MLC1: variants seen among roughly 807,000 people sequenced by gnomAD.
The protein encoded by MLC1 is membrane protein MLC1.
MLC1 carries 32 observed loss-of-function variants against 44.7 expected under a neutral mutation model. The ratio of observed to expected loss-of-function variants is 0.72; its 90% CI spans 0.54 to 0.96. The LOEUF (loss-of-function observed/expected upper bound fraction) is 0.96, where lower values mean the gene tolerates loss of function less well. Ranked by LOEUF, MLC1 falls within the 40% of genes least tolerant of loss-of-function variation. MLC1 has a pLI of 0.00. For missense variants in MLC1, 459 were observed against 492.2 expected (o/e 0.93, Z 0.64); for synonymous variants, 190 against 213.0 (o/e 0.89, Z 0.94).
At chr22:50,066,627 T>A (rs1304739302) in intron 10 of MLC1, among the ~76,000 whole-genome samples, 1 of 150,674 alleles carries the variant, frequency 6.6e-6, no homozygotes, top group Non-Finnish European at 1.5e-5. Context: ...GCCACTGCAC[T>A]CCAGCCTGGG....
chr22:50,061,773 T>C (rs2061564006), intron 11 of MLC1, 116 bp from the exon 12 acceptor site: 1 of 961,566 alleles, frequency 1.0e-6, no homozygotes, highest in African/African-American at 1.6e-5. Flanking sequence ...TTTCTTCGAA[T>C]GTGAAGGAAG....
chr22:50,066,237 G>A (rs964945996), intron 10 of MLC1, among the ~76,000 whole-genome samples: 1 of 148,832 alleles, frequency 6.7e-6, no homozygotes, highest in Non-Finnish European at 1.5e-5. Context: ...AGTGGCTCAC[G>A]TCTGTAATCC....
At chr22:50,068,641 A>G (rs777398498) in intron 9 of MLC1, 86 bp from the exon 10 acceptor site, 42 of 1,333,962 alleles carry the variant, frequency 3.1e-5, no homozygotes, top group Non-Finnish European at 4.4e-5. Flanking sequence ...GGGGGCGGGC[A>G]TGGCCGGGCA....
Position 50,061,292 on chromosome 22 carries a change from G to A in MLC1, c.*291C>T. The A allele has an allele frequency of 2.0e-6, 1 of 488,666 alleles. No homozygotes were observed. Among genetic ancestry groups the A allele is most frequent in the Non-Finnish European group, 3.7e-6 (1 of 266,746 alleles). 30.3% of individuals were successfully genotyped at this position (488,666 alleles called of 1,614,324 possible). A position where few individuals can be genotyped will look rare whatever the true frequency, so the allele number is the denominator to read the frequency against. ...GCCAGTTCAGGGGTGGGGCTCTCAA[G>A]AGGCCGAGCCGGGGGCCCTTCCTCG... is the stretch of plus-strand genomic sequence containing the variant. On this transcript the variant is annotated 3_prime_UTR_variant, in exon 12 of 12. Coordinates refer to ENST00000311597, the MANE Select transcript of MLC1 (RefSeq NM_015166.4).
Position 50,084,898 on chromosome 22 carries a change from G to A in MLC1, c.5C>T (p.Thr2Ile). 4 of 1,611,566 alleles carry A rather than the reference G, an allele frequency of 2.5e-6. No homozygotes were observed. In the South Asian group the frequency reaches 3.3e-5, roughly 13 times the overall value. ...CAGCTCCTCTCTGAATGGCTCCTGG[G>A]TCATGGCACTTGGGGACACCACAGC... is the stretch of plus-strand genomic sequence containing the variant. M[T>I]QEPFREELAY... Residue 2 changes from threonine (T) to isoleucine (I), a missense_variant, in exon 2 of 12, where the codon ACC (threonine) becomes ATC (isoleucine). Coordinates refer to ENST00000311597, the MANE Select transcript of MLC1 (RefSeq NM_015166.4).
chr22:50,076,938 C>T (rs746914683), intron 6 of MLC1, 26 bp from the exon 7 acceptor site: 16 of 1,613,364 alleles, frequency 9.9e-6, no homozygotes, highest in East Asian at 8.9e-5. Flanking sequence ...ACTGTCACCC[C>T]GGGTGCACGG....
chr22:50,075,039 G>A (rs1049446101), intron 7 of MLC1, among the ~76,000 whole-genome samples: 7 of 152,150 alleles, frequency 4.6e-5, no homozygotes, highest in Non-Finnish European at 1.0e-4. Context: ...TTCTTTCCTG[G>A]ACAAAGCCAA....
Position 50,084,810 on chromosome 22 carries a change from G to A in MLC1, c.93C>T (p.Asp31=), listed in dbSNP as rs199625892. ...ACAGCTGCAGGTCGCTCGGCTTCGC[G>A]TCTGGGGCATAGCTGGCGGGGTCTT... ...GRQDPASYAP[D]AKPSDLQLSK... The change falls in exon 2 of 12, where the codon GAC becomes GAT. Residue 31 remains aspartate, a synonymous_variant. Coordinates refer to ENST00000311597, the MANE Select transcript of MLC1 (RefSeq NM_015166.4). The A allele has an allele frequency of 2.6e-5, 42 of 1,614,018 alleles. No individual in the cohort carries two copies. Among genetic ancestry groups the A allele is most frequent in the African/African-American group, 2.5e-4 (19 of 75,068 alleles).
In MLC1 at chr22:50,083,282, C is replaced by G; in HGVS notation, c.178-109G>C. ...CTGTGTATTGGTGACTCACCCACGTCCCCCAGCATCAACCACACCCGCACC... is the reference window on the plus strand; with the variant it reads ...CTGTGTATTGGTGACTCACCCACGTGCCCCAGCATCAACCACACCCGCACC... On this transcript the variant is annotated intron_variant, in intron 2 of 11. Coordinates refer to ENST00000311597, the MANE Select transcript of MLC1 (RefSeq NM_015166.4). This position sits in a 1 kb window ranked among gnomAD's most constrained non-coding sequence, Gnocchi z 4.6. The G allele has an allele frequency of 1.0e-6, 1 of 984,528 alleles. No homozygotes were observed. The highest frequency in any genetic ancestry group is 1.3e-5 in the South Asian group (1 of 74,898). 61.0% of individuals were successfully genotyped at this position (984,528 alleles called of 1,614,324 possible).
intron 3 of MLC1, among the ~76,000 whole-genome samples, chr22:50,081,028 A>AGAAAGAAAGAAAAAGAAAGAAAGAAG (rs2062117568): frequency 6.8e-6 from 1 of 146,158 alleles, no homozygotes; most frequent in Non-Finnish European, 1.5e-5. Flanking sequence ...AAAGAAAGAA[A>AGAAAGAAAGAAAAAGAAAGAAAGAAG]GAAAGAAAGA....
Position 50,079,797 on chromosome 22 carries a change from A to C in MLC1, c.423+121T>G, listed in dbSNP as rs11568176. The C allele has an allele frequency of 0.099, 80,085 of 807,806 alleles. 4,576 individuals are homozygous for C. The highest frequency in any genetic ancestry group is 0.2 in the South Asian group (14,685 of 74,322). 50.0% of individuals were successfully genotyped at this position (807,806 alleles called of 1,614,324 possible). A position where few individuals can be genotyped will look rare whatever the true frequency, so the allele number is the denominator to read the frequency against. ...TGCATAAATCTCTCAACTTTAGTCA[A>C]ACTCACGAGCTGTGAATAACATTTA... On this transcript the variant is annotated intron_variant, in intron 5 of 11. Transcript: ENST00000311597.
Position 50,061,665 on chromosome 22 carries a change from C to T in MLC1, c.1060-8G>A, listed in dbSNP as rs749679723. On this transcript the variant is annotated splice_polypyrimidine_tract_variant and splice_region_variant and intron_variant, in intron 11 of 11. Coordinates refer to ENST00000311597, the MANE Select transcript of MLC1 (RefSeq NM_015166.4). ...CAGGGGGCTCCTGGCCACCTGCAAC[C>T]GAGACAGGAAAGGTGTTACTTCACC... The T allele has an allele frequency of 3.5e-5, 56 of 1,612,340 alleles. No homozygotes were observed. Among genetic ancestry groups the T allele is most frequent in the East Asian group, 2.2e-4 (10 of 44,864 alleles).
At chr22:50,065,703 A>G (rs1398943142) in intron 10 of MLC1, among the ~76,000 whole-genome samples, 3 of 152,202 alleles carry the variant, frequency 2.0e-5, no homozygotes, top group African/African-American at 7.2e-5. Context: ...GGGGCTGTGG[A>G]GAAGTGAGCA....
In MLC1 at chr22:50,083,718, G is replaced by A. The variant is rs1422635094; in HGVS notation, c.178-545C>T. On this transcript the variant is annotated intron_variant, in intron 2 of 11. Coordinates refer to ENST00000311597, the MANE Select transcript of MLC1 (RefSeq NM_015166.4). This position sits in a 1 kb window ranked among gnomAD's most constrained non-coding sequence, Gnocchi z 4.6. ...CTCACGCACAGCACTGCAGGGGTGC[G>A]GTGGGGAGGGGGCTCTCTCTCACGC... 3.3e-5 allele frequency among the ~76,000 whole-genome samples: 5 copies of A among 152,264 alleles called. No homozygotes were observed. The highest frequency in any genetic ancestry group is 1.9e-4 in the East Asian group (1 of 5,176).
chr22:50,081,009 A>AAAAGAAAGAAAGAAAGAAAGAAAGAAAG (rs757266134), intron 3 of MLC1, among the ~76,000 whole-genome samples: 10,424 of 96,506 alleles, frequency 0.11, 1,134 homozygotes, highest in Non-Finnish European at 0.13. Context: ...TTGTCTCAAA[A>AAAAGAAAGAAAGAAAGAAAGAAAGAAAG]AAAGAAAGAA....
At chr22:50,062,136 G>T (rs1410300139) in intron 11 of MLC1, among the ~76,000 whole-genome samples, 2 of 150,582 alleles carry the variant, frequency 1.3e-5, no homozygotes, top group Non-Finnish European at 3.0e-5. Flanking sequence ...CTGAGCCCCA[G>T]CCACCCACCC....
intron 10 of MLC1, among the ~76,000 whole-genome samples, chr22:50,066,208 G>A (rs5771341): frequency 0.12 from 18,590 of 150,400 alleles, 1,221 homozygotes; most frequent in South Asian, 0.23. Context: ...ATTAAAAAGC[G>A]AGGTACATGG....
chr22:50,083,538 G>A lies in MLC1; in HGVS notation c.178-365C>T, dbSNP rs923910706. Among the ~76,000 whole-genome samples, 2 of 152,172 alleles carry A rather than the reference G, an allele frequency of 1.3e-5. No homozygotes were observed. Among genetic ancestry groups the A allele is most frequent in the African/African-American group, 2.4e-5 (1 of 41,446 alleles). On this transcript the variant is annotated intron_variant, in intron 2 of 11. Transcript: ENST00000311597. This position sits in a 1 kb window ranked among gnomAD's most constrained non-coding sequence, Gnocchi z 4.6. ...TGCAGTCTTCCAGATCCCACACCCA[G>A]GTCCAGACACGAGACTGGAAAACAA...
Position 50,074,222 on chromosome 22 carries a change from T to A in MLC1, c.708A>T (p.Leu236=). ...PHLSVTFFWI[L]VACFPSAIAS... ...GGCCAGAGGGGTTACTCACGGCCAC[T>A]AGGATCCAAAAGAACGTCACTGAGA... is the stretch of plus-strand genomic sequence containing the variant. The change falls in exon 8 of 12, where the codon CTA becomes CTT. Residue 236 remains leucine (L), a synonymous_variant. Coordinates refer to ENST00000311597, the MANE Select transcript of MLC1 (RefSeq NM_015166.4). The A allele has an allele frequency of 1.2e-6, 2 of 1,612,958 alleles. No homozygotes were observed. Among genetic ancestry groups the A allele is most frequent in the Non-Finnish European group, 1.7e-6 (2 of 1,179,622 alleles).
Sources: allele counts gnomAD v4.1 joint callset (sites outside exome capture counted in the v4.1 genomes callset), GRCh38; gene constraint gnomAD v4.1.1; non-coding constraint Gnocchi (gnomAD v3.1); transcripts MANE v1.5; gene names NCBI Gene and HGNC (gene_info 2026-07-23, HGNC 2026-07-21).